Variants in COX7A1 observed in about 807,000 individuals in gnomAD.
The protein encoded by COX7A1 is cytochrome c oxidase subunit 7A1.
A neutral mutation model predicts 13.2 loss-of-function variants in COX7A1; 21 were observed. The ratio of observed to expected loss-of-function variants is 1.59; its 90% CI spans 1.13 to 2.29. The LOEUF (loss-of-function observed/expected upper bound fraction) is 2.29. COX7A1 is among the 30% of genes most tolerant of loss of function. The pLI, the probability that COX7A1 is intolerant of heterozygous loss-of-function variation, is 0.00. For synonymous variants in COX7A1, 41 were observed against 41.9 expected (o/e 0.98, Z 0.08); for missense variants, 107 against 100.0 (o/e 1.07, Z -0.30).
chr19:36,151,142 TA>T, intron 3 of COX7A1, 108 bp from the exon 4 acceptor site: 1 of 1,134,400 alleles, frequency 8.8e-7, no homozygotes, highest in Non-Finnish European at 1.3e-6. Context: ...ACCCCAGCTC[TA>T]GTTCGGACTC....
intron 1 of COX7A1, chr19:36,152,143 G>T (rs1348705164): frequency 3.5e-6 from 2 of 577,392 alleles, no homozygotes; most frequent in Non-Finnish European, 6.2e-6. Flanking sequence ...GAGAAGGCCC[G>T]GGTGAGGCCA....
Position 36,151,032 on chromosome 19 carries a change from T to G in COX7A1, c.190A>C (p.Thr64Pro), listed in dbSNP as rs1599889335. 1 of 1,613,662 alleles carries G rather than the reference T, an allele frequency of 6.2e-7. No homozygotes were observed. Among genetic ancestry groups the G allele is most frequent in the South Asian group, 1.1e-5 (1 of 91,072 alleles). ...RVTMTLCLGG[T>P]VYSLYSLGWA... Reference sequence around the variant, plus strand: ...CCAAGGGAGTACAAGCTGTAGACAGTGCCTAGAAAGGGGAAGCGTTGGAGA... The same window carrying G: ...CCAAGGGAGTACAAGCTGTAGACAGGGCCTAGAAAGGGGAAGCGTTGGAGA... Residue 64 changes from threonine to proline, a missense_variant and splice_region_variant, in exon 4 of 4, where the codon ACT becomes CCT. By Grantham distance (38) the Thr-to-Pro change is conservative. Coordinates refer to ENST00000292907, the MANE Select transcript of COX7A1 (RefSeq NM_001864.4).
At position 36,151,666 on chromosome 19, in the gene COX7A1, C is replaced by CCCCCCCCCCCCCA; in HGVS notation, c.102+2_102+3insTGGGGGGGGGGGG. 6.3e-7 allele frequency: 1 copy of CCCCCCCCCCCCCA among 1,584,878 alleles called. No homozygotes were observed. Among genetic ancestry groups the CCCCCCCCCCCCCA allele is most frequent in the Non-Finnish European group, 8.6e-7 (1 of 1,162,696 alleles). On this transcript the variant is annotated splice_region_variant and intron_variant, in intron 2 of 3. Transcript: ENST00000292907. Reference sequence around the variant, plus strand: ...CGGATCCCCACCCCCCCCGACCCCCCACCTGGAAGAGCTTCTGTTTCTCGC... The same window carrying CCCCCCCCCCCCCA: ...CGGATCCCCACCCCCCCCGACCCCCCCCCCCCCCCCCCAACCTGGAAGAGCTTCTGTTTCTCGC...
In COX7A1 at chr19:36,151,737, G is replaced by A; in HGVS notation, c.34C>T (p.Arg12Cys). 1 of 1,605,276 alleles carries A rather than the reference G, an allele frequency of 6.2e-7. No homozygotes were observed. ...QALRVSQALI[R>C]SFSSTARNRF... The stretch of plus-strand genomic sequence containing the variant: ...TTCCGGGCGGTGGAGCTGAAGGAGC[G>A]GATCAGCGCCTGGGACACCTGCGGG... Residue 12 changes from arginine to cysteine, a missense_variant, in exon 2 of 4, where the codon CGC becomes TGC. Physicochemically the swap from Arg to Cys is radical, Grantham distance 180 (BLOSUM62 -3). Transcript: ENST00000292907.
chr19:36,151,646 C>T, intron 2 of COX7A1, 23 bp downstream of exon 2: 19 of 1,156,040 alleles, frequency 1.6e-5, no homozygotes, highest in African/African-American at 2.1e-5. Flanking sequence ...CGCGTCGGAT[C>T]CCCACCCCCC....
Position 36,151,015 on chromosome 19 carries a change from G to A in COX7A1, c.207C>T (p.Tyr69=), listed in dbSNP as rs756367571. ...LCLGGTVYSL[Y]SLGWASFPRN is the part of the protein sequence containing the mutation. ...TGGGGAAGGAGGCCCAGCCAAGGGAGTACAAGCTGTAGACAGTGCCTAGAA... is the reference window on the plus strand; with the variant it reads ...TGGGGAAGGAGGCCCAGCCAAGGGAATACAAGCTGTAGACAGTGCCTAGAA... Residue 69 remains tyrosine (Y), a synonymous_variant, in exon 4 of 4, where the codon TAC becomes TAT. Transcript: ENST00000292907. 5.7e-5 allele frequency: 92 copies of A among 1,613,902 alleles called. No individual in the cohort carries two copies. The highest frequency in any genetic ancestry group is 7.3e-5 in the Non-Finnish European group (86 of 1,179,960).
chr19:36,152,290 G>A, intron 1 of COX7A1, 103 bp downstream of exon 1: 1 of 837,550 alleles, frequency 1.2e-6, no homozygotes. Flanking sequence ...CCCTGAAGGT[G>A]GCTCACGTTC....
At chr19:36,151,875 G>A (rs1388856083) in intron 1 of COX7A1, 120 bp from the exon 2 acceptor site, 129 of 910,724 alleles carry the variant, frequency 1.4e-4, no homozygotes, top group Non-Finnish European at 7.1e-6. Context: ...TCCCAAAGGC[G>A]AGGAGGGTAA....
intron 1 of COX7A1, chr19:36,151,982 T>C (rs17879437): frequency 0.29 from 193,110 of 657,250 alleles, 31,796 homozygotes; most frequent in East Asian, 0.65. Context: ...TAGAGGGTCC[T>C]GGAAGGGAGA....
intron 1 of COX7A1, 129 bp from the exon 2 acceptor site, chr19:36,151,884 A>G (rs1168801470): frequency 2.3e-6 from 2 of 862,892 alleles, no homozygotes; most frequent in East Asian, 5.3e-5. Context: ...CGAGGAGGGT[A>G]ATAGCTTGGA....
chr19:36,151,899 G>T, intron 1 of COX7A1, 144 bp from the exon 2 acceptor site: 1 of 806,614 alleles, frequency 1.2e-6, no homozygotes, highest in Non-Finnish European at 2.1e-6. Flanking sequence ...CTTGGATTCT[G>T]TTACCCGCGA....
chr19:36,152,221 G>A (rs1255619414), intron 1 of COX7A1, among the ~76,000 whole-genome samples, 172 bp downstream of exon 1: 1 of 152,184 alleles, frequency 6.6e-6, no homozygotes, highest in Non-Finnish European at 1.5e-5. Context: ...GTCCCCAGTT[G>A]TCTCCGAAGA....
At position 36,150,946 on chromosome 19, in the gene COX7A1, TG is replaced by T. The variant is rs759272617; in HGVS notation, c.*35del. The T allele has an allele frequency of 3.4e-5, 54 of 1,603,292 alleles. No individual in the cohort carries two copies. In the African/African-American group the frequency reaches 6.2e-4, roughly 18 times the overall value. On this transcript the variant is annotated 3_prime_UTR_variant, in exon 4 of 4. Transcript: ENST00000292907. The stretch of plus-strand genomic sequence containing the variant: ...ACAGAGGCCAGCGTTTATTGACACT[TG>T]TTCAAGTCTCTCAGGCCCCCCAGGC...
Position 36,151,498 on chromosome 19 carries a change from T to A in COX7A1, c.151A>T (p.Ile51Phe). 1 of 1,614,184 alleles carries A rather than the reference T, an allele frequency of 6.2e-7. No individual in the cohort carries two copies. The highest frequency in any genetic ancestry group is 8.5e-7 in the Non-Finnish European group (1 of 1,180,024). The change falls in exon 3 of 4, where the codon ATC (isoleucine) becomes TTC (phenylalanine). Residue 51 changes from isoleucine (I) to phenylalanine (F), a missense_variant. Ile to Phe is a conservative substitution (Grantham distance 21). Transcript: ENST00000292907. ...AGCGTCATTGTCACTCGGTACAGGA[T>A]GTTGTCAACGATGCCGCCCTTCAGG... The part of the protein sequence containing the change: ...LYLKGGIVDN[I>F]LYRVTMTLCL...
intron 3 of COX7A1, 87 bp downstream of exon 3, chr19:36,151,375 C>G: frequency 6.9e-7 from 1 of 1,439,078 alleles, no homozygotes; most frequent in Non-Finnish European, 9.7e-7. Context: ...CAACCCAGAT[C>G]CTGGTCAGTC....
intron 1 of COX7A1, 170 bp from the exon 2 acceptor site, chr19:36,151,925 G>GGGT: frequency 1.3e-6 from 1 of 745,262 alleles, no homozygotes; most frequent in African/African-American, 1.7e-5. Context: ...CAGCTGGGTT[G>GGGT]GGAGGGGACT....
At chr19:36,151,569 A>AC in intron 2 of COX7A1, 23 bp from the exon 3 acceptor site, 1 of 1,613,894 alleles carries the variant, frequency 6.2e-7, no homozygotes, top group East Asian at 2.2e-5. Flanking sequence ...GTGTCTGATG[A>AC]GAAAGGGGTG....
At chr19:36,151,928 A>G (rs1974779689) in intron 1 of COX7A1, 173 bp from the exon 2 acceptor site, 2 of 740,386 alleles carry the variant, frequency 2.7e-6, no homozygotes, top group African/African-American at 3.5e-5. Context: ...CTGGGTTGGG[A>G]GGGGACTCGC....
chr19:36,151,645 T>TACCCCCCCCCCCCCC, intron 2 of COX7A1, 24 bp downstream of exon 2: 3 of 1,387,630 alleles, frequency 2.2e-6, no homozygotes, highest in Non-Finnish European at 3.0e-6. Flanking sequence ...GCGCGTCGGA[T>TACCCCCCCCCCCCCC]CCCCACCCCC....
Sources: allele counts gnomAD v4.1 joint callset (sites outside exome capture counted in the v4.1 genomes callset), GRCh38; gene constraint gnomAD v4.1.1; transcripts MANE v1.5; gene names NCBI Gene and HGNC (gene_info 2026-07-23, HGNC 2026-07-21).